ROBO2: variants seen among roughly 807,000 people sequenced by gnomAD.
ROBO2 encodes the protein roundabout guidance receptor 2.
A neutral mutation model predicts 160.8 loss-of-function variants in ROBO2; 53 were observed. The ratio of observed to expected loss-of-function variants is 0.33; its 90% CI spans 0.26 to 0.41. ROBO2 has a LOEUF of 0.41. Among genes scored for constraint, ROBO2 ranks in the 10% least tolerant of loss-of-function variants. ROBO2 has a pLI of 1.00. For synonymous variants in ROBO2, 664 were observed against 611.7 expected (o/e 1.09, Z -1.26); for missense variants, 1,577 against 1,722.4 (o/e 0.92, Z 1.49).
intron 2 of ROBO2, among the ~76,000 whole-genome samples, chr3:76,491,084 T>C (rs1460940988): frequency 6.6e-6 from 1 of 151,914 alleles, no homozygotes; most frequent in Non-Finnish European, 1.5e-5. Flanking sequence ...TTCAGCCTCC[T>C]AAGTAGCTGG....
intron 2 of ROBO2, among the ~76,000 whole-genome samples, chr3:76,581,038 A>G (rs1047483417): frequency 6.6e-6 from 1 of 152,174 alleles, no homozygotes; most frequent in African/African-American, 2.4e-5. Flanking sequence ...AAAGCTTTCA[A>G]AATATGTAGC....
At chr3:76,394,317 G>A (rs916724097) in intron 2 of ROBO2, among the ~76,000 whole-genome samples, 3 of 152,028 alleles carry the variant, frequency 2.0e-5, no homozygotes, top group South Asian at 2.1e-4. Context: ...TTTAGGGCAG[G>A]CCTGGTGGTG....
intron 2 of ROBO2, among the ~76,000 whole-genome samples, chr3:77,292,949 A>C (rs1424925939): frequency 2.7e-5 from 4 of 150,898 alleles, no homozygotes; most frequent in African/African-American, 9.8e-5. Context: ...ATTAAACGGT[A>C]AGCTGAGGCT....
intron 2 of ROBO2, among the ~76,000 whole-genome samples, chr3:76,420,587 C>T (rs72898597): frequency 1.2e-3 from 186 of 152,266 alleles, no homozygotes; most frequent in African/African-American, 4.1e-3. Flanking sequence ...CAGATATATA[C>T]ATACATGCAC....
intron 2 of ROBO2, among the ~76,000 whole-genome samples, chr3:76,721,637 C>T (rs2093468730): frequency 6.6e-6 from 1 of 152,172 alleles, no homozygotes; most frequent in African/African-American, 2.4e-5. Flanking sequence ...AAGTTAGTTG[C>T]TGGTATAAAC....
intron 2 of ROBO2, among the ~76,000 whole-genome samples, chr3:76,566,975 T>G (rs1164946875): frequency 6.6e-6 from 1 of 152,144 alleles, no homozygotes; most frequent in Non-Finnish European, 1.5e-5. Context: ...TAAAATAAAT[T>G]TATTAAAGCA....
rs564881784 is a variant in ROBO2 at position 77,175,096 on chromosome 3, G to A, written c.388+76756G>A. Among the ~76,000 whole-genome samples the A allele has an allele frequency of 2.0e-5, 3 of 152,152 alleles. No homozygotes were observed. The East Asian group carries it at 5.8e-4, about 29-fold the overall frequency. On this transcript the variant is annotated intron_variant, in intron 2 of 25. Transcript: ENST00000461745. ...TCATGACAACCCTGTCAGGTAAGTTGTATTACTATTCTCATTCTGCCGATG... is the reference window on the plus strand; with the variant it reads ...TCATGACAACCCTGTCAGGTAAGTTATATTACTATTCTCATTCTGCCGATG...
chr3:77,135,703 C>T (rs2076222940), intron 2 of ROBO2, among the ~76,000 whole-genome samples: 1 of 152,130 alleles, frequency 6.6e-6, no homozygotes, highest in South Asian at 2.1e-4. Flanking sequence ...AGCCACCACA[C>T]CCAGCCGCAA....
At chr3:75,960,288 T>C (rs2107269456) in intron 2 of ROBO2, among the ~76,000 whole-genome samples, 1 of 151,932 alleles carries the variant, frequency 6.6e-6, no homozygotes, top group African/African-American at 2.4e-5. Context: ...AAACTTAACA[T>C]TTCACAATGC....
chr3:77,528,630 C>A (rs2091389907), intron 6 of ROBO2, among the ~76,000 whole-genome samples: 1 of 151,606 alleles, frequency 6.6e-6, no homozygotes, highest in Non-Finnish European at 1.5e-5. Flanking sequence ...ATAATACTGA[C>A]TTATCAAAGC....
At chr3:76,784,326 G>A (rs1429300597) in intron 2 of ROBO2, among the ~76,000 whole-genome samples, 1 of 151,086 alleles carries the variant, frequency 6.6e-6, no homozygotes, top group Non-Finnish European at 1.5e-5. Context: ...TTTCCCATGA[G>A]TATATCTGCT....
intron 2 of ROBO2, among the ~76,000 whole-genome samples, chr3:77,257,529 T>C (rs2058500159): frequency 6.6e-6 from 1 of 152,128 alleles, no homozygotes; most frequent in Admixed American, 6.5e-5. Context: ...CTAGAAATAA[T>C]AGGAAATAAC....
At chr3:77,611,069 T>C (rs1331184595) in intron 21 of ROBO2, among the ~76,000 whole-genome samples, 1 of 151,776 alleles carries the variant, frequency 6.6e-6, no homozygotes, top group Non-Finnish European at 1.5e-5. Flanking sequence ...GAGGCCAAGG[T>C]GGGCGGATCA....
At chr3:77,144,280 C>T (rs2076949683) in intron 2 of ROBO2, among the ~76,000 whole-genome samples, 1 of 152,184 alleles carries the variant, frequency 6.6e-6, no homozygotes, top group African/African-American at 2.4e-5. Flanking sequence ...ACACATTCTC[C>T]TAATACCTTT....
At chr3:77,255,038 A>G (rs1375935299) in intron 2 of ROBO2, among the ~76,000 whole-genome samples, 1 of 152,262 alleles carries the variant, frequency 6.6e-6, no homozygotes, top group Non-Finnish European at 1.5e-5. Context: ...GAACTAGAGA[A>G]GGTGAGACTT....
intron 2 of ROBO2, among the ~76,000 whole-genome samples, chr3:76,545,086 C>T (rs1406820878): frequency 6.6e-6 from 1 of 151,842 alleles, no homozygotes; most frequent in African/African-American, 2.4e-5. Flanking sequence ...CAAATCATAA[C>T]ATTGACTGAA....
At chr3:76,798,411 A>C (rs969766026) in intron 2 of ROBO2, among the ~76,000 whole-genome samples, 1 of 152,204 alleles carries the variant, frequency 6.6e-6, no homozygotes, top group African/African-American at 2.4e-5. Context: ...AACACCCTAA[A>C]AAGATCATTC....
At chr3:77,424,096 C>A (rs1268046281) in intron 2 of ROBO2, among the ~76,000 whole-genome samples, 1 of 152,036 alleles carries the variant, frequency 6.6e-6, no homozygotes, top group African/African-American at 2.4e-5. Context: ...GCTGATACAG[C>A]ACGAGCAAAA....
chr3:76,083,500 G>A (rs1197810561), intron 2 of ROBO2, among the ~76,000 whole-genome samples: 3 of 151,674 alleles, frequency 2.0e-5, no homozygotes, highest in African/African-American at 7.3e-5. Context: ...AGCATGGGAA[G>A]GAAAAAAAAT....
Sources: allele counts gnomAD v4.1 joint callset (sites outside exome capture counted in the v4.1 genomes callset), GRCh38; gene constraint gnomAD v4.1.1; transcripts MANE v1.5; gene names NCBI Gene and HGNC (gene_info 2026-07-23, HGNC 2026-07-21).